CABP5: variants seen among roughly 807,000 people sequenced by gnomAD.
The protein encoded by CABP5 is calcium-binding protein 5.
In CABP5, 17 loss-of-function variants were observed where a neutral mutation model predicts 21.9. The ratio of observed to expected loss-of-function variants is 0.78; its 90% CI spans 0.53 to 1.17. The LOEUF is 1.17. Among genes scored for constraint, CABP5 ranks in the 50% most tolerant of loss-of-function variants. CABP5 has a pLI of 0.00. For synonymous variants in CABP5, 85 were observed against 79.4 expected, an observed-to-expected ratio of 1.07 and a Z score of -0.37; for missense variants, 229 against 228.9, an observed-to-expected ratio of 1.00 and a Z score of 0.00.
At chr19:48,037,083 A>C (rs1332299155) in intron 4 of CABP5, among the ~76,000 whole-genome samples, 2 of 151,956 alleles carry the variant, frequency 1.3e-5, no homozygotes, top group African/African-American at 4.8e-5. Flanking sequence ...CAGCAATACC[A>C]CTTCTGGGTA....
intron 3 of CABP5, among the ~76,000 whole-genome samples, 157 bp from the exon 4 acceptor site, chr19:48,039,474 C>T (rs1004872468): frequency 1.3e-5 from 2 of 152,136 alleles, no homozygotes; most frequent in African/African-American, 4.8e-5. Context: ...AAGCTCCAAA[C>T]TCATGTCCCT....
rs201805500 is a variant in CABP5, at chr19:48,041,581, T to G, written c.86A>C (p.Glu29Ala). 5.7e-5 allele frequency: 92 copies of G among 1,611,872 alleles called. No individual in the cohort carries two copies. Among genetic ancestry groups the G allele is most frequent in the Middle Eastern group, 1.6e-4 (1 of 6,064 alleles). The change falls in exon 2 of 6, where the codon GAG (glutamate) becomes GCG (alanine). Residue 29 changes from glutamate (E) to alanine (A), a missense_variant. By Grantham distance (107) the Glu-to-Ala change is moderately radical. Coordinates refer to ENST00000293255, the MANE Select transcript of CABP5 (RefSeq NM_019855.5). Reference protein sequence around the residue: ...KQRERPLGQDEIEELREAFLE... With the variant: ...KQRERPLGQDAIEELREAFLE... ...GGGGAAGACGGTGTTACCTTCAATC[T>G]CATCTTGTCCCAGTGGTCTTTCCTG...
Position 48,029,603 on chromosome 19 carries a change from C to A in CABP5, c.*954G>T, listed in dbSNP as rs761736046. On this transcript the variant is annotated 3_prime_UTR_variant, in exon 6 of 6. Coordinates refer to ENST00000293255, the MANE Select transcript of CABP5 (RefSeq NM_019855.5). ...TAGGAGGCTTCTAGGAAAGACTTTG[C>A]AACAACCTGGCTGAACTGGGGATTT... Among the ~76,000 whole-genome samples, 2 of 152,104 alleles carry A rather than the reference C, an allele frequency of 1.3e-5. No individual in the cohort carries two copies. The highest frequency in any genetic ancestry group is 2.9e-5 in the Non-Finnish European group (2 of 68,014).
chr19:48,041,947 C>T (rs905894054), intron 1 of CABP5, among the ~76,000 whole-genome samples: 3 of 152,158 alleles, frequency 2.0e-5, no homozygotes, highest in African/African-American at 7.2e-5. Context: ...ACAGCTAACT[C>T]ATTCAGAGTG....
At chr19:48,033,648 C>T (rs1250373231) in intron 5 of CABP5, among the ~76,000 whole-genome samples, 1 of 152,070 alleles carries the variant, frequency 6.6e-6, no homozygotes, top group Non-Finnish European at 1.5e-5. Context: ...GACGGAAGGA[C>T]AACTTGAGCA....
chr19:48,034,458 G>A, intron 4 of CABP5, 96 bp from the exon 5 acceptor site: 3 of 922,880 alleles, frequency 3.3e-6, no homozygotes, highest in South Asian at 6.7e-5. Flanking sequence ...GTCAAGCACT[G>A]AGATAAAAGC....
intron 4 of CABP5, among the ~76,000 whole-genome samples, chr19:48,037,298 C>T (rs11672872): frequency 0.47 from 39,202 of 84,076 alleles, 6,029 homozygotes; most frequent in Non-Finnish European, 0.52. Context: ...GGTGGAGTTT[C>T]GCTCTTTTTA....
In CABP5 at chr19:48,030,488, C is replaced by T; in HGVS notation, c.*69G>A. ...TTTAAGGGGATCTGGGGCTTTTGGGCTTTGGTTCTCCACAAGCGCTTGCTC... is the reference window on the plus strand; with the variant it reads ...TTTAAGGGGATCTGGGGCTTTTGGGTTTTGGTTCTCCACAAGCGCTTGCTC... On this transcript the variant is annotated 3_prime_UTR_variant, in exon 6 of 6. Transcript: ENST00000293255. 1 of 1,527,980 alleles carries T rather than the reference C, an allele frequency of 6.5e-7. No homozygotes were observed. The allele number at this position is 1,527,980 out of a possible 1,614,324, so 94.7% of individuals were successfully genotyped here.
In CABP5 at chr19:48,034,327, C is replaced by T. The variant is rs770931372; in HGVS notation, c.384G>A (p.Val128=). 2.2e-5 allele frequency: 35 copies of T among 1,602,088 alleles called. No homozygotes were observed. The highest frequency in any genetic ancestry group is 2.7e-5 in the Non-Finnish European group (32 of 1,175,112). ...DTNGDGEITL[V]ELQQAMQRLL... The stretch of plus-strand genomic sequence containing the variant: ...GTCTCTGCATGGCCTGCTGTAGCTC[C>T]ACCAGGGTGATCTCCCCATCTCCAT... The change falls in exon 5 of 6, where the codon GTG becomes GTA. Residue 128 remains valine, a synonymous_variant. Coordinates refer to ENST00000293255, the MANE Select transcript of CABP5 (RefSeq NM_019855.5).
At chr19:48,035,033 A>G (rs993719857) in intron 4 of CABP5, among the ~76,000 whole-genome samples, 1 of 152,110 alleles carries the variant, frequency 6.6e-6, no homozygotes, top group East Asian at 1.9e-4. Context: ...ATTATTTACT[A>G]TAGTTATCCT....
At chr19:48,033,071 A>G (rs1216324032) in intron 5 of CABP5, among the ~76,000 whole-genome samples, 1 of 141,212 alleles carries the variant, frequency 7.1e-6, no homozygotes, top group African/African-American at 2.7e-5. Context: ...GCGCGATCTC[A>G]GCTCACTGCA....
chr19:48,037,245 G>A (rs921568021), intron 4 of CABP5, among the ~76,000 whole-genome samples: 2 of 122,990 alleles, frequency 1.6e-5, no homozygotes, highest in East Asian at 5.6e-4. Context: ...AGTACACAAT[G>A]GAATACTATT....
chr19:48,029,651 T>G lies in CABP5; in HGVS notation c.*906A>C, dbSNP rs1020246014. The stretch of plus-strand genomic sequence containing the variant: ...TTTGGGGGATCCTGTCATCTCTCTC[T>G]TTGCATGATGACATTTTTTCAGGGG... On this transcript the variant is annotated 3_prime_UTR_variant, in exon 6 of 6. Coordinates refer to ENST00000293255, the MANE Select transcript of CABP5 (RefSeq NM_019855.5). Among the ~76,000 whole-genome samples the G allele has an allele frequency of 2.0e-5, 3 of 152,122 alleles. No individual in the cohort carries two copies. The highest frequency in any genetic ancestry group is 2.0e-4 in the Admixed American group (3 of 15,254).
intron 5 of CABP5, 138 bp from the exon 6 acceptor site, chr19:48,030,720 T>C: frequency 1.3e-6 from 1 of 789,964 alleles, no homozygotes; most frequent in Non-Finnish European, 2.1e-6. Flanking sequence ...CTTCCATTTC[T>C]CCATCTATGA....
rs1967312340 is a variant in CABP5 at position 48,029,742 on chromosome 19, C to T, written c.*815G>A. ...TCCAGATTTGTGGTTTAATTCAGTCCCCTGAGTATCTTACACAAAGGAAGG... is the reference window on the plus strand; with the variant it reads ...TCCAGATTTGTGGTTTAATTCAGTCTCCTGAGTATCTTACACAAAGGAAGG... On this transcript the variant is annotated 3_prime_UTR_variant, in exon 6 of 6. Coordinates refer to ENST00000293255, the MANE Select transcript of CABP5 (RefSeq NM_019855.5). Among the ~76,000 whole-genome samples the T allele has an allele frequency of 6.6e-6, 1 of 150,902 alleles. No homozygotes were observed. The highest frequency in any genetic ancestry group is 1.5e-5 in the Non-Finnish European group (1 of 67,810).
Position 48,030,394 on chromosome 19 carries a change from C to T in CABP5, c.*163G>A. 1.6e-6 allele frequency: 1 copy of T among 613,420 alleles called. No homozygotes were observed. Among genetic ancestry groups the T allele is most frequent in the Non-Finnish European group, 2.8e-6 (1 of 352,524 alleles). The allele number at this position is 613,420 out of a possible 1,614,324, so 38.0% of individuals were successfully genotyped here. A position where few individuals can be genotyped will look rare whatever the true frequency, so the allele number is the denominator to read the frequency against. On this transcript the variant is annotated 3_prime_UTR_variant, in exon 6 of 6. Coordinates refer to ENST00000293255, the MANE Select transcript of CABP5 (RefSeq NM_019855.5). Reference sequence around the variant, plus strand: ...CGCCCCCATCCTGGCAAAGATACCGCTCTGGGTCTCACCCCATGCACAGCG... The same window carrying T: ...CGCCCCCATCCTGGCAAAGATACCGTTCTGGGTCTCACCCCATGCACAGCG...
intron 3 of CABP5, 72 bp downstream of exon 3, chr19:48,040,533 C>T (rs761299431): frequency 1.6e-5 from 25 of 1,550,860 alleles, no homozygotes; most frequent in South Asian, 2.3e-5. Context: ...TACTCTTAAC[C>T]TCTACATCCT....
At position 48,029,676 on chromosome 19, in the gene CABP5, G is replaced by A. The variant is rs1328666945; in HGVS notation, c.*881C>T. Among the ~76,000 whole-genome samples, 1 of 152,060 alleles carries A rather than the reference G, an allele frequency of 6.6e-6. No individual in the cohort carries two copies. The highest frequency in any genetic ancestry group is 1.5e-5 in the Non-Finnish European group (1 of 68,014). ...TTTGCATGATGACATTTTTTCAGGG[G>A]ATTAATTCCCCAAGGATCAGCTAGC... On this transcript the variant is annotated 3_prime_UTR_variant, in exon 6 of 6. Transcript: ENST00000293255.
At chr19:48,039,441 T>C (rs1967452177) in intron 3 of CABP5, 124 bp from the exon 4 acceptor site, 1 of 704,956 alleles carries the variant, frequency 1.4e-6, no homozygotes, top group Non-Finnish European at 2.5e-6. Flanking sequence ...GTCTTTGACT[T>C]CCTCCCTCCA....
Sources: allele counts gnomAD v4.1 joint callset (sites outside exome capture counted in the v4.1 genomes callset), GRCh38; gene constraint gnomAD v4.1.1; transcripts MANE v1.5; gene names NCBI Gene and HGNC (gene_info 2026-07-23, HGNC 2026-07-21).